SRPK2: variants seen among roughly 807,000 people sequenced by gnomAD.
The protein encoded by SRPK2 is SRSF protein kinase 2, also known as SFRS protein kinase 2.
In SRPK2, 21 loss-of-function variants were observed where a neutral mutation model predicts 90.8. The ratio of observed to expected loss-of-function variants is 0.23; its 90% CI spans 0.16 to 0.33. The LOEUF is 0.33. Among genes scored for constraint, SRPK2 ranks in the 10% least tolerant of loss-of-function variants. The pLI is 1.00. For missense variants in SRPK2, 620 were observed against 869.0 expected (o/e 0.71, Z 3.60); for synonymous variants, 288 against 311.1 (o/e 0.93, Z 0.78).
intron 3 of SRPK2, among the ~76,000 whole-genome samples, chr7:105,184,158 T>C (rs985611556): frequency 6.6e-6 from 1 of 151,206 alleles, no homozygotes; most frequent in Non-Finnish European, 1.5e-5. Context: ...TTTGTATTTT[T>C]AGTAGAGACG....
At chr7:105,255,798 G>A (rs761258103) in intron 2 of SRPK2, among the ~76,000 whole-genome samples, 9 of 152,040 alleles carry the variant, frequency 5.9e-5, no homozygotes, top group Non-Finnish European at 1.3e-4. Flanking sequence ...TGGACGTGCT[G>A]GTGGGCACCT....
chr7:105,127,078 C>T lies in SRPK2; in HGVS notation c.1753-16G>A, dbSNP rs370227011. 54 of 1,613,868 alleles carry T rather than the reference C, an allele frequency of 3.3e-5. No individual in the cohort carries two copies. Among genetic ancestry groups the T allele is most frequent in the Middle Eastern group, 1.6e-4 (1 of 6,062 alleles). ...GCTCAAATGCCTAGGATACAACAGA[C>T]GACATGCTAAGCACTTCAGAGACTG... On this transcript the variant is annotated splice_polypyrimidine_tract_variant and intron_variant, in intron 13 of 15. Transcript: ENST00000393651.
intron 2 of SRPK2, among the ~76,000 whole-genome samples, chr7:105,324,254 A>C (rs1397760723): frequency 1.3e-5 from 2 of 151,680 alleles, no homozygotes; most frequent in African/African-American, 4.8e-5. Flanking sequence ...TGATCTGCCC[A>C]TCTCAGCCTC....
At chr7:105,317,971 G>A (rs145773945) in intron 2 of SRPK2, among the ~76,000 whole-genome samples, 13 of 152,088 alleles carry the variant, frequency 8.5e-5, no homozygotes, top group South Asian at 2.1e-4. Context: ...GGCTGCTCTC[G>A]AACTCCTAAA....
chr7:105,207,873 G>C (rs1206563355), intron 2 of SRPK2, among the ~76,000 whole-genome samples: 1 of 152,294 alleles, frequency 6.6e-6, no homozygotes, highest in African/African-American at 2.4e-5. Context: ...AGAATGGGGG[G>C]AAGTACTTGT....
intron 2 of SRPK2, among the ~76,000 whole-genome samples, chr7:105,303,504 T>C (rs1167402547): frequency 6.6e-6 from 1 of 151,950 alleles, no homozygotes; most frequent in Admixed American, 6.6e-5. Flanking sequence ...TAACATTTAA[T>C]TAGGGGTGGC....
chr7:105,267,443 C>T (rs1442399141), intron 2 of SRPK2, among the ~76,000 whole-genome samples: 1 of 152,162 alleles, frequency 6.6e-6, no homozygotes, highest in Non-Finnish European at 1.5e-5. Context: ...CCATCACCAC[C>T]ATTTTACTGG....
Position 105,142,242 on chromosome 7 carries a change from T to C in SRPK2, c.1309A>G (p.Thr437Ala). ...LDEPNAESDY[T>A]YSSSYEQFNG... ...AATTGTTCATAGGAGCTGCTATATG[T>C]GTAATCACTTTCTGCATTTGGCTCA... is the stretch of plus-strand genomic sequence containing the variant. The change falls in exon 11 of 16, where the codon ACA (threonine) becomes GCA (alanine). Residue 437 changes from threonine to alanine, a missense_variant. Physicochemically the swap from Thr to Ala is moderately conservative, Grantham distance 58. Transcript: ENST00000393651. 1.2e-6 allele frequency: 2 copies of C among 1,614,168 alleles called. No homozygotes were observed. The highest frequency in any genetic ancestry group is 1.7e-6 in the Non-Finnish European group (2 of 1,180,028).
chr7:105,318,619 A>C (rs1409968982), intron 2 of SRPK2, among the ~76,000 whole-genome samples: 1 of 152,252 alleles, frequency 6.6e-6, no homozygotes, highest in Non-Finnish European at 1.5e-5. Context: ...AATGTCACTC[A>C]GTACTCATTT....
intron 2 of SRPK2, among the ~76,000 whole-genome samples, chr7:105,381,018 G>A (rs1225426647): frequency 1.3e-5 from 2 of 148,834 alleles, no homozygotes; most frequent in South Asian, 2.1e-4. Context: ...CAGCATTTTG[G>A]AAGGCTGAGG....
rs115474668 is a variant in SRPK2, at chr7:105,267,400, G to A, written c.72-63615C>T. Among the ~76,000 whole-genome samples the A allele has an allele frequency of 2.5e-3, 376 of 152,168 alleles. 2 individuals are homozygous for A. Among genetic ancestry groups the A allele is most frequent in the African/African-American group, 8.8e-3 (364 of 41,508 alleles). ...TAACATTACAGCTGATACCCAGCTC[G>A]TTCACTATGCACACCACCCTCTTCT... On this transcript the variant is annotated intron_variant, in intron 2 of 15. Coordinates refer to ENST00000393651, the MANE Select transcript of SRPK2 (RefSeq NM_182692.3).
chr7:105,388,942 G>T (rs1822004389), upstream of SRPK2: 1 of 1,180,490 alleles, frequency 8.5e-7, no homozygotes, highest in Non-Finnish European at 1.0e-6. Context: ...CGCCGCCGCC[G>T]CTCCAGCAGG....
chr7:105,277,947 G>A (rs1806733584), intron 2 of SRPK2, among the ~76,000 whole-genome samples: 1 of 152,226 alleles, frequency 6.6e-6, no homozygotes, highest in African/African-American at 2.4e-5. Context: ...AATGAGGATA[G>A]AGGAGCAGGT....
chr7:105,161,403 G>T (rs1807638549), intron 6 of SRPK2, among the ~76,000 whole-genome samples: 1 of 152,116 alleles, frequency 6.6e-6, no homozygotes, highest in East Asian at 1.9e-4. Context: ...GATAAAAAAG[G>T]GCTAAGTGTA....
intron 2 of SRPK2, among the ~76,000 whole-genome samples, chr7:105,362,181 C>A (rs1174021289): frequency 6.6e-6 from 1 of 152,174 alleles, no homozygotes; most frequent in Admixed American, 6.5e-5. Context: ...TGAACAGACA[C>A]TTCTCAAAAG....
At chr7:105,200,075 G>A (rs1795362328) in intron 3 of SRPK2, among the ~76,000 whole-genome samples, 1 of 152,142 alleles carries the variant, frequency 6.6e-6, no homozygotes. Flanking sequence ...GCTGAGGCAG[G>A]AGAATTACTT....
intron 8 of SRPK2, among the ~76,000 whole-genome samples, chr7:105,145,681 AG>A (rs144279953): frequency 0.034 from 5,204 of 152,330 alleles, 317 homozygotes; most frequent in African/African-American, 0.12. Flanking sequence ...TGAACAATGT[AG>A]ATGTACATCG....
intron 2 of SRPK2, among the ~76,000 whole-genome samples, chr7:105,372,671 T>A (rs533255888): frequency 1.8e-4 from 27 of 152,182 alleles, no homozygotes; most frequent in Non-Finnish European, 2.8e-4. Flanking sequence ...GCGCCTAGAA[T>A]TAAAAAAGCC....
At chr7:105,235,064 C>A (rs1228942997) in intron 2 of SRPK2, among the ~76,000 whole-genome samples, 1 of 145,234 alleles carries the variant, frequency 6.9e-6, no homozygotes, top group Non-Finnish European at 1.5e-5. Context: ...GTGGCCCAAG[C>A]CAATTCTTCT....
Sources: gnomAD v4.1 joint callset for allele counts (sites outside exome capture counted in the v4.1 genomes callset) on GRCh38, gnomAD v4.1.1 for gene constraint, MANE v1.5 for transcripts, NCBI Gene and HGNC (gene_info 2026-07-23, HGNC 2026-07-21) for gene names.